The following UNC13C variants were observed in gnomAD, a reference collection of about 807,000 sequenced individuals.
UNC13C encodes the protein unc-13 homolog C, also known as protein unc-13 homolog C.
In UNC13C, 174 loss-of-function variants were observed where a neutral mutation model predicts 245.4. The observed-to-expected ratio is 0.71, with a 90% CI of 0.63 to 0.80. UNC13C has a LOEUF of 0.80. UNC13C is among the 30% of genes least tolerant of loss of function. UNC13C has a pLI of 0.00. For missense variants in UNC13C, 2,829 were observed against 2,602.9 expected, an observed-to-expected ratio of 1.09 and a Z score of -1.89; for synonymous variants, 992 against 895.1, an observed-to-expected ratio of 1.11 and a Z score of -1.93.
chr15:54,125,526 T>G (rs1286837836), intron 2 of UNC13C, among the ~76,000 whole-genome samples: 3 of 152,116 alleles, frequency 2.0e-5, no homozygotes, highest in African/African-American at 7.2e-5. Context: ...TTATATAAAT[T>G]TGGGGATTAT....
intron 30 of UNC13C, among the ~76,000 whole-genome samples, chr15:54,570,946 G>A (rs969488616): frequency 6.6e-6 from 1 of 152,174 alleles, no homozygotes; most frequent in African/African-American, 2.4e-5. Flanking sequence ...TTTATATAAA[G>A]TGCTATACAA....
At chr15:53,874,817 T>C in the UNC13C span, among the ~76,000 whole-genome samples, 1 of 152,186 alleles carries the variant, frequency 6.6e-6, no homozygotes, top group Non-Finnish European at 1.5e-5. Context: ...AAATCTTGGC[T>C]AGGCGCGGTG....
upstream of UNC13C, chr15:53,976,878 A>G (rs4776197): frequency 0.35 from 53,956 of 152,012 alleles, 11,168 homozygotes; most frequent in Middle Eastern, 0.51. Flanking sequence ...TCTTTTCTCT[A>G]TGTATTAAAA....
chr15:54,257,474 G>A (rs893000524), intron 8 of UNC13C, among the ~76,000 whole-genome samples: 1 of 152,168 alleles, frequency 6.6e-6, no homozygotes, highest in Non-Finnish European at 1.5e-5. Flanking sequence ...ATAATGAGAT[G>A]ATTGAATATG....
chr15:54,423,835 C>T (rs952598806), intron 19 of UNC13C, among the ~76,000 whole-genome samples: 2 of 151,612 alleles, frequency 1.3e-5, no homozygotes, highest in South Asian at 2.1e-4. Flanking sequence ...AGTTTTTCAG[C>T]CATGTACCAT....
At chr15:53,877,622 G>A in the UNC13C span, among the ~76,000 whole-genome samples, 2 of 152,082 alleles carry the variant, frequency 1.3e-5, no homozygotes, top group Non-Finnish European at 2.9e-5. Context: ...GGGTGAAGGA[G>A]AAGAAACACG....
At chr15:54,507,253 G>A in intron 23 of UNC13C, 59 bp downstream of exon 23, 1 of 1,097,994 alleles carries the variant, frequency 9.1e-7, no homozygotes, top group South Asian at 1.4e-5. Flanking sequence ...CTTCTTCAAA[G>A]TATGAGTAAG....
chr15:54,345,094 T>C (rs1342379863), intron 17 of UNC13C, among the ~76,000 whole-genome samples: 1 of 152,204 alleles, frequency 6.6e-6, no homozygotes, highest in Non-Finnish European at 1.5e-5. Flanking sequence ...CTTACTCTAA[T>C]GCTGTCCCCT....
chr15:54,632,795 A>G (rs1901479555), downstream of UNC13C: 1 of 152,068 alleles, frequency 6.6e-6, no homozygotes, highest in South Asian at 2.1e-4. Flanking sequence ...ACTGTCTTGA[A>G]CTCAGGTAGT....
chr15:54,134,219 C>T (rs975911169), intron 2 of UNC13C, among the ~76,000 whole-genome samples: 1 of 151,640 alleles, frequency 6.6e-6, no homozygotes, highest in Admixed American at 6.6e-5. Context: ...AAACTATTTC[C>T]CCCACCCCCA....
At chr15:54,433,768 C>A (rs2040921678) in intron 19 of UNC13C, among the ~76,000 whole-genome samples, 2 of 151,948 alleles carry the variant, frequency 1.3e-5, no homozygotes, top group Admixed American at 6.6e-5. Flanking sequence ...GAAGGGTATT[C>A]AAATAGGAAG....
rs115264030 is a variant in UNC13C at position 54,438,197 on chromosome 15, G to C, written c.4933+23130G>C. Among the ~76,000 whole-genome samples the C allele has an allele frequency of 7.6e-3, 1,155 of 152,022 alleles. 7 individuals are homozygous for C. The highest frequency in any genetic ancestry group is 0.026 in the African/African-American group (1,093 of 41,530). ...TAAAATCACCTATCCAGCAGGTGTA[G>C]TCCCATAGAACTTCTAAACTGCATA... On this transcript the variant is annotated intron_variant, in intron 19 of 32. Transcript: ENST00000260323.
chr15:54,475,118 T>C (rs1892656094), intron 19 of UNC13C, among the ~76,000 whole-genome samples: 1 of 151,910 alleles, frequency 6.6e-6, no homozygotes, highest in Non-Finnish European at 1.5e-5. Context: ...CTGATTTGTC[T>C]GTTTTTTCTT....
chr15:54,560,276 C>T, intron 29 of UNC13C, among the ~76,000 whole-genome samples: 1 of 151,846 alleles, frequency 6.6e-6, no homozygotes, highest in East Asian at 1.9e-4. Flanking sequence ...GAAACAATAG[C>T]ATGTTCCCAT....
chr15:54,494,047 A>C (rs992975498), intron 19 of UNC13C, among the ~76,000 whole-genome samples: 1 of 152,184 alleles, frequency 6.6e-6, no homozygotes, highest in Admixed American at 6.5e-5. Flanking sequence ...AACTATTTTA[A>C]TGCTTTAGGG....
chr15:54,058,838 T>A (rs563842500), intron 2 of UNC13C, among the ~76,000 whole-genome samples: 2 of 152,294 alleles, frequency 1.3e-5, no homozygotes, highest in South Asian at 4.1e-4. Flanking sequence ...ATCCAGCATA[T>A]AAACAGAACC....
intron 2 of UNC13C, among the ~76,000 whole-genome samples, chr15:54,102,828 TA>T (rs1366247045): frequency 6.6e-6 from 1 of 152,204 alleles, no homozygotes; most frequent in Admixed American, 6.5e-5. Flanking sequence ...CTCATGGGGA[TA>T]AAAAGAAGAA....
At chr15:53,968,444 G>A in the UNC13C span, among the ~76,000 whole-genome samples, 9 of 152,278 alleles carry the variant, frequency 5.9e-5, no homozygotes, top group African/African-American at 1.9e-4. Flanking sequence ...TTACAATGAG[G>A]AAGAACCCAG....
intron 4 of UNC13C, among the ~76,000 whole-genome samples, chr15:54,155,565 A>G (rs1426085213): frequency 1.7e-5 from 2 of 116,598 alleles, no homozygotes; most frequent in African/African-American, 6.5e-5. Flanking sequence ...AAAATAGAAT[A>G]TCATTTCTTA....
Sources: gnomAD v4.1 joint callset for allele counts (sites outside exome capture counted in the v4.1 genomes callset) on GRCh38, gnomAD v4.1.1 for gene constraint, MANE v1.5 for transcripts, NCBI Gene and HGNC (gene_info 2026-07-23, HGNC 2026-07-21) for gene names.